SMC2: variants seen among roughly 807,000 people sequenced by gnomAD.
SMC2 encodes the protein structural maintenance of chromosomes 2.
Under a neutral mutation model 142.6 loss-of-function variants are expected in SMC2, and 41 were observed. The observed-to-expected ratio is 0.29, with a 90% CI of 0.22 to 0.37. The LOEUF is 0.37. Ranked by LOEUF, SMC2 falls within the 10% of genes least tolerant of loss-of-function variation. The pLI is 1.00. For missense variants in SMC2, 1,265 were observed against 1,373.7 expected (o/e 0.92, Z 1.25); for synonymous variants, 463 against 457.5 (o/e 1.01, Z -0.15).
At chr9:104,127,542 A>C in intron 20 of SMC2, 62 bp downstream of exon 20, 1 of 1,307,760 alleles carries the variant, frequency 7.6e-7, no homozygotes, top group Non-Finnish European at 1.0e-6. Flanking sequence ...TCTTGAAAAA[A>C]TTTAGAAAAC....
At position 104,134,573 on chromosome 9, in the gene SMC2, G is replaced by A. The variant is rs1835331088; in HGVS notation, c.3267G>A (p.Gln1089=). 2 of 1,585,046 alleles carry A rather than the reference G, an allele frequency of 1.3e-6. No individual in the cohort carries two copies. The highest frequency in any genetic ancestry group is 1.7e-6 in the Non-Finnish European group (2 of 1,169,122). The change falls in exon 23 of 25, where the codon CAG becomes CAA. Residue 1089 remains glutamine, a splice_region_variant and synonymous_variant. Coordinates refer to ENST00000374793, the MANE Select transcript of SMC2 (RefSeq NM_006444.3). ...ACCTAACTGAACTTAGTGGTGGTCA[G>A]AGGTGAGGAATCACTTTGCTATATT... ...KENLTELSGG[Q]RSLVALSLIL... is the part of the protein sequence containing the mutation.
chr9:104,124,623 ATT>A (rs72030083), intron 17 of SMC2, among the ~76,000 whole-genome samples: 5 of 148,636 alleles, frequency 3.4e-5, no homozygotes, highest in African/African-American at 1.2e-4. Context: ...ATGATCTGTG[ATT>A]TTTTTTTTTT....
chr9:104,118,286 C>T lies in SMC2; in HGVS notation c.1907C>T (p.Ala636Val), dbSNP rs754224682. 21 of 1,612,972 alleles carry T rather than the reference C, an allele frequency of 1.3e-5. No individual in the cohort carries two copies. Among genetic ancestry groups the T allele is most frequent in the Admixed American group, 1.7e-5 (1 of 59,904 alleles). The part of the protein sequence containing the change: ...TTFVCDNMDN[A>V]KKVAFDKRIM... ...TTTGTTTGTGACAATATGGATAATG[C>T]CAAAAAAGTGGCCTTTGATAAGAGG... Residue 636 changes from alanine (A) to valine (V), a missense_variant, in exon 15 of 25, where the codon GCC becomes GTC. Transcript: ENST00000374793.
At chr9:104,127,949 C>A (rs1465723461) in intron 20 of SMC2, among the ~76,000 whole-genome samples, 1 of 152,172 alleles carries the variant, frequency 6.6e-6, no homozygotes, top group African/African-American at 2.4e-5. Flanking sequence ...TATAAAAAAT[C>A]TGATGTTTTG....
At chr9:104,121,765 T>TAG (rs1833765678) in intron 16 of SMC2, among the ~76,000 whole-genome samples, 4 of 152,230 alleles carry the variant, frequency 2.6e-5, no homozygotes, top group African/African-American at 9.6e-5. Context: ...CATTCAGAGA[T>TAG]ATAAATTGAA....
chr9:104,093,741 C>T (rs1343657195), upstream of SMC2, among the ~76,000 whole-genome samples: 1 of 152,184 alleles, frequency 6.6e-6, no homozygotes, highest in Non-Finnish European at 1.5e-5. Flanking sequence ...GATAAAAACG[C>T]TCCCCGAGGT....
In SMC2 at chr9:104,139,224, T is replaced by C. The variant is rs772199439; in HGVS notation, c.3503T>C (p.Val1168Ala). 6.2e-7 allele frequency: 1 copy of C among 1,603,066 alleles called. No individual in the cohort carries two copies. Among genetic ancestry groups the C allele is most frequent in the Non-Finnish European group, 8.5e-7 (1 of 1,176,084 alleles). The change falls in exon 25 of 25, where the codon GTA (valine) becomes GCA (alanine). Residue 1168 changes from valine to alanine, a missense_variant. By Grantham distance (64) the Val-to-Ala change is moderately conservative. Around this residue, in one of 4 missense-constraint regions of SMC2, gnomAD observed 192 missense variants for 261.9 expected, o/e 0.73. Transcript: ENST00000374793. Reference sequence around the variant, plus strand: ...AAGTTTGTGGATGGTGTTTCTACAGTAGCCAGATTTACTCAATGTCAAAAT... The same window carrying C: ...AAGTTTGTGGATGGTGTTTCTACAGCAGCCAGATTTACTCAATGTCAAAAT... ...KTKFVDGVST[V>A]ARFTQCQNGK...
intron 22 of SMC2, among the ~76,000 whole-genome samples, chr9:104,133,471 ATAAG>A (rs1257148944): frequency 5.3e-5 from 8 of 152,176 alleles, no homozygotes; most frequent in Non-Finnish European, 1.2e-4. Flanking sequence ...TCTTGTTACT[ATAAG>A]TATTCATTAA....
chr9:104,099,808 T>G, intron 5 of SMC2, 126 bp downstream of exon 5: 2 of 648,306 alleles, frequency 3.1e-6, no homozygotes, highest in South Asian at 4.0e-5. Flanking sequence ...GTAAAGACAG[T>G]TGTATATTTG....
intron 5 of SMC2, 35 bp downstream of exon 5, chr9:104,099,717 G>A: frequency 1.6e-6 from 2 of 1,241,482 alleles, no homozygotes; most frequent in South Asian, 1.3e-5. Context: ...AAAAATAGTT[G>A]GTATAGATAT....
chr9:104,095,245 C>CGTTG lies in SMC2; in HGVS notation c.-61-78_-61-75dup, dbSNP rs1830325541. On this transcript the variant is annotated intron_variant, in intron 1 of 24. Coordinates refer to ENST00000374793, the MANE Select transcript of SMC2 (RefSeq NM_006444.3). ...GGCTGTTTTATTTCTATCACCCTAT[C>CGTTG]GTTGCTGTTTTTGCCTCGTGTTCAT... The CGTTG allele has an allele frequency of 4.6e-6, 3 of 645,866 alleles. No individual in the cohort carries two copies. The South Asian group carries it at 5.8e-5, about 13-fold the overall frequency. 40.0% of individuals were successfully genotyped at this position (645,866 alleles called of 1,614,324 possible).
At chr9:104,100,234 G>A in intron 6 of SMC2, 31 bp downstream of exon 6, 1 of 1,476,236 alleles carries the variant, frequency 6.8e-7, no homozygotes, top group Non-Finnish European at 9.2e-7. Context: ...TATTTTCGGA[G>A]AAGAATGTAA....
Position 104,129,849 on chromosome 9 carries a change from A to G in SMC2, c.2991+4A>G. Reference sequence around the variant, plus strand: ...ATTGACAGAAGCTGAAGAGCGAGTAAGTCAATTTCTTATGAATATCTGGCC... The same window carrying G: ...ATTGACAGAAGCTGAAGAGCGAGTAGGTCAATTTCTTATGAATATCTGGCC... On this transcript the variant is annotated splice_donor_region_variant and intron_variant, in intron 21 of 24. Coordinates refer to ENST00000374793, the MANE Select transcript of SMC2 (RefSeq NM_006444.3). 1 of 1,609,626 alleles carries G rather than the reference A, an allele frequency of 6.2e-7. No individual in the cohort carries two copies. Among genetic ancestry groups the G allele is most frequent in the Non-Finnish European group, 8.5e-7 (1 of 1,176,436 alleles).
At chr9:104,138,306 A>G (rs1835771345) in intron 24 of SMC2, 141 bp downstream of exon 24, 1 of 625,838 alleles carries the variant, frequency 1.6e-6, no homozygotes, top group Admixed American at 3.7e-5. Flanking sequence ...AAATAGACTT[A>G]TGTTTAAATA....
chr9:104,123,009 G>A (rs999638799), intron 16 of SMC2, 99 bp from the exon 17 acceptor site: 13 of 1,233,022 alleles, frequency 1.1e-5, no homozygotes, highest in Admixed American at 2.4e-5. Flanking sequence ...TGTTTATAAC[G>A]TATGTGAGTT....
chr9:104,113,552 C>T (rs937369263), intron 11 of SMC2, 77 bp downstream of exon 11: 32 of 1,164,346 alleles, frequency 2.7e-5, no homozygotes, highest in Non-Finnish European at 3.4e-5. Flanking sequence ...AAATAAAGAA[C>T]GCAAGCAAGT....
intron 24 of SMC2, among the ~76,000 whole-genome samples, chr9:104,138,557 A>C (rs1442468066): frequency 6.6e-6 from 1 of 151,226 alleles, no homozygotes; most frequent in Non-Finnish European, 1.5e-5. Flanking sequence ...TTAATTTCTC[A>C]TGGCTAAAAA....
Position 104,120,602 on chromosome 9 carries a change from G to A in SMC2, c.2132+440G>A, listed in dbSNP as rs538589375. ...GCTGTCCTACATATATCAAGGATCT[G>A]CTAGGTTGCCTAGTGAGCAGGTAAA... On this transcript the variant is annotated intron_variant, in intron 16 of 24. Transcript: ENST00000374793. Among the ~76,000 whole-genome samples the A allele has an allele frequency of 1.9e-3, 283 of 152,316 alleles. 1 individual carries two copies. The highest frequency in any genetic ancestry group is 6.7e-3 in the African/African-American group (278 of 41,558).
chr9:104,109,293 G>A (rs1268859478), intron 9 of SMC2, among the ~76,000 whole-genome samples: 1 of 152,126 alleles, frequency 6.6e-6, no homozygotes, highest in Non-Finnish European at 1.5e-5. Flanking sequence ...CCTAATTGTT[G>A]AGGCCAGAAA....
Sources: gnomAD v4.1 joint callset for allele counts (sites outside exome capture counted in the v4.1 genomes callset) on GRCh38, gnomAD v4.1.1 for gene constraint, gnomAD v4.1.1 regional missense constraint, MANE v1.5 for transcripts, NCBI Gene and HGNC (gene_info 2026-07-23, HGNC 2026-07-21) for gene names.